Variants in DMD observed in about 807,000 individuals in gnomAD.
DMD encodes mutant dystrophin.
A neutral mutation model predicts 330.1 loss-of-function variants in DMD; 63 were observed. The observed-to-expected ratio is 0.19, with a 90% confidence interval of 0.16 to 0.24. DMD has a LOEUF of 0.24. Ranked by LOEUF, DMD falls within the 10% of genes least tolerant of loss-of-function variation. DMD has a pLI of 1.00. For missense variants in DMD, 3,344 were observed against 2,684.1 expected, an observed-to-expected ratio of 1.25 and a Z score of -5.43; for synonymous variants, 1,223 against 959.8, an observed-to-expected ratio of 1.27 and a Z score of -5.07.
At chrX:31,470,769 G>C (rs1256288162) in intron 59 of DMD, among the ~76,000 whole-genome samples, 1 of 112,144 alleles carries the variant, frequency 8.9e-6, no homozygotes, top group Non-Finnish European at 1.9e-5. Flanking sequence ...TCCCCGTGGT[G>C]CTCTGTCCCA....
chrX:32,629,208 A>T (rs1335830495), intron 11 of DMD, among the ~76,000 whole-genome samples: 2 of 111,616 alleles, frequency 1.8e-5, no homozygotes, highest in African/African-American at 6.5e-5. Context: ...TGTTGGGTAC[A>T]TATTTATTTA....
chrX:32,036,071 G>C (rs2095943314), intron 44 of DMD, among the ~76,000 whole-genome samples: 1 of 111,555 alleles, frequency 9.0e-6, no homozygotes, highest in African/African-American at 3.3e-5. Context: ...AAGTGAGAGA[G>C]TCCTTTGTGG....
chrX:32,894,794 T>A (rs2085553407), intron 2 of DMD, among the ~76,000 whole-genome samples: 1 of 112,400 alleles, frequency 8.9e-6, no homozygotes, highest in African/African-American at 3.2e-5. Flanking sequence ...CCTATCTTAC[T>A]GGTTATGTTG....
chrX:32,791,427 A>AC (rs897610965), intron 7 of DMD, among the ~76,000 whole-genome samples: 2 of 111,669 alleles, frequency 1.8e-5, no homozygotes, highest in Admixed American at 9.5e-5. Context: ...AACTGATGCC[A>AC]CCACTGGGGC....
chrX:32,336,045 TATATATAAC>T (rs2097712616), intron 41 of DMD, among the ~76,000 whole-genome samples: 2 of 99,362 alleles, frequency 2.0e-5, no homozygotes, highest in Non-Finnish European at 3.9e-5. Context: ...ATATAACGTG[TATATATAAC>T]GTTATATATA....
At chrX:32,067,564 G>GTACC (rs1312974530) in intron 44 of DMD, among the ~76,000 whole-genome samples, 3 of 110,499 alleles carry the variant, frequency 2.7e-5, no homozygotes, top group Non-Finnish European at 5.7e-5. Flanking sequence ...AATTCTATAA[G>GTACC]TACCTAACAT....
At chrX:32,836,404 C>CT (rs2079637537) in intron 4 of DMD, among the ~76,000 whole-genome samples, 1 of 111,082 alleles carries the variant, frequency 9.0e-6, no homozygotes, top group Non-Finnish European at 1.9e-5. Flanking sequence ...ATATCTCATA[C>CT]TTAATATTTC....
At chrX:31,221,397 T>C (rs1207990593) in intron 64 of DMD, among the ~76,000 whole-genome samples, 1 of 112,604 alleles carries the variant, frequency 8.9e-6, no homozygotes, top group African/African-American at 3.2e-5. Flanking sequence ...TTTCAGTTCC[T>C]GAATGTGTCA....
intron 4 of DMD, among the ~76,000 whole-genome samples, chrX:32,828,581 C>CTATACATCTATATACATATATACATATG (rs2078918880): frequency 9.6e-6 from 1 of 103,710 alleles, no homozygotes; most frequent in African/African-American, 3.9e-5. Context: ...ACATATATAT[C>CTATACATCTATATACATATATACATATG]TATACATCTA....
intron 42 of DMD, among the ~76,000 whole-genome samples, chrX:32,306,274 G>C (rs2148568388): frequency 9.0e-6 from 1 of 110,586 alleles, no homozygotes; most frequent in African/African-American, 3.3e-5. Flanking sequence ...ACATTCCTTA[G>C]GTTTACTTGT....
chrX:33,328,043 T>C (rs1398083016), intron 1 of DMD, among the ~76,000 whole-genome samples: 4 of 111,794 alleles, frequency 3.6e-5, no homozygotes, highest in Non-Finnish European at 3.8e-5. Flanking sequence ...TCATCCACTA[T>C]AGAAAATGAA....
chrX:32,531,786 T>C (rs758861739), intron 17 of DMD, among the ~76,000 whole-genome samples: 3 of 111,138 alleles, frequency 2.7e-5, no homozygotes, highest in South Asian at 7.6e-4. Flanking sequence ...TAAGTCAATA[T>C]AGAATTACTG....
At chrX:32,052,495 T>C (rs1308780656) in intron 44 of DMD, among the ~76,000 whole-genome samples, 1 of 111,387 alleles carries the variant, frequency 9.0e-6, no homozygotes, top group Non-Finnish European at 1.9e-5. Flanking sequence ...TTTAATTTCC[T>C]AGCCCACTTT....
At chrX:32,171,533 G>A (rs1429114769) in intron 44 of DMD, among the ~76,000 whole-genome samples, 2 of 111,589 alleles carry the variant, frequency 1.8e-5, no homozygotes, top group African/African-American at 6.5e-5. Flanking sequence ...GGATGATTAA[G>A]TCATGGACTA....
chrX:32,962,050 G>T lies in DMD; in HGVS notation c.93+58089C>A, dbSNP rs1476408366. On this transcript the variant is annotated intron_variant, in intron 2 of 78. Transcript: ENST00000357033. ...TATTATACTTTTCTAGCTGGGGAAG[G>T]CTGATGACACAAAAGCATAGGACTA... is the stretch of plus-strand genomic sequence containing the variant. 2.7e-5 allele frequency among the ~76,000 whole-genome samples: 3 copies of T among 111,642 alleles called. No individual in the cohort carries two copies. In the Admixed American group the frequency reaches 2.9e-4, roughly 11 times the overall value.
chrX:32,731,597 C>A (rs912138907), intron 7 of DMD, among the ~76,000 whole-genome samples: 3 of 112,189 alleles, frequency 2.7e-5, no homozygotes, highest in Non-Finnish European at 5.6e-5. Context: ...CAAGTGGGTG[C>A]CTGACCCCTG....
At chrX:32,534,264 G>C (rs146867970) in intron 17 of DMD, among the ~76,000 whole-genome samples, 10 of 111,383 alleles carry the variant, frequency 9.0e-5, no homozygotes, top group African/African-American at 3.3e-4. Context: ...TTGGATATTC[G>C]TCCCTTCCCA....
At chrX:31,951,150 T>TAC (rs2095167817) in intron 45 of DMD, among the ~76,000 whole-genome samples, 4 of 78,180 alleles carry the variant, frequency 5.1e-5, no homozygotes, top group African/African-American at 2.4e-4. Context: ...TGTGTATATA[T>TAC]ATATATATGT....
chrX:31,163,387 A>G (rs2039070568), intron 74 of DMD, among the ~76,000 whole-genome samples: 1 of 111,411 alleles, frequency 9.0e-6, no homozygotes, highest in African/African-American at 3.3e-5. Context: ...CATGATTGTG[A>G]GGCCTTCCCA....
Sources: gnomAD v4.1 joint callset for allele counts (sites outside exome capture counted in the v4.1 genomes callset) on GRCh38, gnomAD v4.1.1 for gene constraint, MANE v1.5 for transcripts, NCBI Gene and HGNC (gene_info 2026-07-23, HGNC 2026-07-21) for gene names.